PCSK2: variants seen among roughly 807,000 people sequenced by gnomAD.
PCSK2 encodes the protein proprotein convertase subtilisin/kexin type 2, also known as neuroendocrine convertase 2.
A neutral mutation model predicts 69.7 loss-of-function variants in PCSK2; 14 were observed. That is an observed-to-expected ratio of 0.20 (90% confidence interval 0.13 to 0.31). PCSK2 has a LOEUF of 0.31. Ranked by LOEUF, PCSK2 falls within the 10% of genes least tolerant of loss-of-function variation. The probability of loss-of-function intolerance (pLI) is 1.00; values close to 1 mark genes in which losing one functional copy is unlikely to be tolerated. For synonymous variants in PCSK2, 307 were observed against 320.7 expected (o/e 0.96, Z 0.46); for missense variants, 544 against 842.5 (o/e 0.65, Z 4.39).
At chr20:17,235,200 G>A (rs1360743579) in intron 1 of PCSK2, among the ~76,000 whole-genome samples, 3 of 152,022 alleles carry the variant, frequency 2.0e-5, no homozygotes, top group African/African-American at 4.8e-5. Context: ...TGAGATTGTC[G>A]ATAAAAATAA....
intron 2 of PCSK2, among the ~76,000 whole-genome samples, chr20:17,351,056 A>T (rs1008066570): frequency 2.7e-5 from 4 of 149,914 alleles, no homozygotes; most frequent in Non-Finnish European, 4.5e-5. Context: ...AAAAAAAAAA[A>T]TTAATGTAGT....
At chr20:17,471,374 A>G (rs1035471606) in intron 11 of PCSK2, among the ~76,000 whole-genome samples, 1 of 152,232 alleles carries the variant, frequency 6.6e-6, no homozygotes, top group African/African-American at 2.4e-5. Flanking sequence ...AATGAAGAGA[A>G]ATGGGAAAGC....
At chr20:17,340,738 C>A (rs571802105) in intron 2 of PCSK2, among the ~76,000 whole-genome samples, 12 of 152,184 alleles carry the variant, frequency 7.9e-5, no homozygotes, top group Non-Finnish European at 1.8e-4. Flanking sequence ...GAATCTTCAG[C>A]AGAATGTTCC....
chr20:17,255,508 A>AT (rs1316744086), intron 1 of PCSK2, among the ~76,000 whole-genome samples: 4 of 151,906 alleles, frequency 2.6e-5, no homozygotes, highest in African/African-American at 9.7e-5. Flanking sequence ...CGCCCAGCTA[A>AT]TTTTTTGCAT....
chr20:17,313,690 G>A (rs1989587566), intron 2 of PCSK2, among the ~76,000 whole-genome samples: 1 of 152,050 alleles, frequency 6.6e-6, no homozygotes, highest in Admixed American at 6.5e-5. Context: ...GTCACTGCGG[G>A]GTGATTCACC....
chr20:17,321,544 G>A lies in PCSK2; in HGVS notation c.283-36783G>A, dbSNP rs57328638. Reference sequence around the variant, plus strand: ...TTTTGGGGAAAGACAGGCATATAAAGCTCTAACAAAATCAGGTAATGATAA... The same window carrying A: ...TTTTGGGGAAAGACAGGCATATAAAACTCTAACAAAATCAGGTAATGATAA... On this transcript the variant is annotated intron_variant, in intron 2 of 11. Coordinates refer to ENST00000262545, the MANE Select transcript of PCSK2 (RefSeq NM_002594.5). Among the ~76,000 whole-genome samples the A allele has an allele frequency of 4.6e-3, 702 of 152,268 alleles. 4 individuals are homozygous for A. The highest frequency in any genetic ancestry group is 0.016 in the African/African-American group (662 of 41,568).
chr20:17,392,197 G>A (rs575648618), intron 5 of PCSK2, among the ~76,000 whole-genome samples: 6 of 152,214 alleles, frequency 3.9e-5, no homozygotes, highest in East Asian at 1.9e-4. Flanking sequence ...AGGAAACTAC[G>A]CCTGTTCCTG....
At position 17,483,254 on chromosome 20, in the gene PCSK2, G is replaced by A. The variant is rs894712587; in HGVS notation, c.*1184G>A. The A allele has an allele frequency of 6.6e-6, 1 of 152,108 alleles. No individual in the cohort carries two copies. The highest frequency in any genetic ancestry group is 2.4e-5 in the African/African-American group (1 of 41,404). The allele number at this position is 152,108 out of a possible 1,614,324, so 9.4% of individuals were successfully genotyped here. A position where few individuals can be genotyped will look rare whatever the true frequency, so the allele number is the denominator to read the frequency against. On this transcript the variant is annotated 3_prime_UTR_variant, in exon 12 of 12. Transcript: ENST00000262545. The stretch of plus-strand genomic sequence containing the variant: ...TATGGAGCCTCTTCTGCCAAGAGAG[G>A]GCCATGCAATTCATCCCAGAGGAAC...
At chr20:17,366,990 T>C (rs2030613280) in intron 4 of PCSK2, among the ~76,000 whole-genome samples, 2 of 152,092 alleles carry the variant, frequency 1.3e-5, no homozygotes, top group Admixed American at 6.6e-5. Flanking sequence ...TGTTGGAAAA[T>C]ATATTCTCTG....
intron 11 of PCSK2, among the ~76,000 whole-genome samples, chr20:17,476,222 C>T (rs1007133847): frequency 3.3e-5 from 5 of 152,146 alleles, no homozygotes; most frequent in African/African-American, 1.2e-4. Context: ...AAACTGAATG[C>T]CCTTGAAACA....
intron 2 of PCSK2, among the ~76,000 whole-genome samples, chr20:17,307,012 G>T (rs775469795): frequency 6.6e-6 from 1 of 152,178 alleles, no homozygotes; most frequent in Non-Finnish European, 1.5e-5. Context: ...GGAATGATAT[G>T]TTAATGTCTT....
At chr20:17,414,982 A>G (rs1555794097) in intron 6 of PCSK2, among the ~76,000 whole-genome samples, 1 of 152,248 alleles carries the variant, frequency 6.6e-6, no homozygotes, top group Non-Finnish European at 1.5e-5. Flanking sequence ...ACAAAATTCA[A>G]CAGCCCTTCA....
At chr20:17,272,798 C>T (rs949143178) in intron 2 of PCSK2, among the ~76,000 whole-genome samples, 1 of 152,038 alleles carries the variant, frequency 6.6e-6, no homozygotes, top group African/African-American at 2.4e-5. Context: ...AACAGTGTCT[C>T]ACCAGGGAGG....
intron 2 of PCSK2, among the ~76,000 whole-genome samples, chr20:17,318,168 T>C (rs563935441): frequency 6.6e-6 from 1 of 152,208 alleles, no homozygotes; most frequent in East Asian, 1.9e-4. Flanking sequence ...GGAACATAGT[T>C]CTGAATGCCA....
chr20:17,320,951 G>GA (rs1989845544), intron 2 of PCSK2, among the ~76,000 whole-genome samples: 1 of 152,140 alleles, frequency 6.6e-6, no homozygotes, highest in South Asian at 2.1e-4. Context: ...GCAAGCACAT[G>GA]AAAAGCAACA....
rs1006600261 is a variant in PCSK2, at chr20:17,227,533, G to A, written c.177+51G>A. ...GTTGTTTCAAAACGGGGGGACGGGG[G>A]GGCAGCCCTGCGCAATCTCATTGCA... On this transcript the variant is annotated intron_variant, in intron 1 of 11. Coordinates refer to ENST00000262545, the MANE Select transcript of PCSK2 (RefSeq NM_002594.5). 3 of 1,435,526 alleles carry A rather than the reference G, an allele frequency of 2.1e-6. No homozygotes were observed. The African/African-American group carries it at 4.2e-5, about 20-fold the overall frequency. The allele number at this position is 1,435,526 out of a possible 1,614,324, so 88.9% of individuals were successfully genotyped here. A position where few individuals can be genotyped will look rare whatever the true frequency, so the allele number is the denominator to read the frequency against.
intron 5 of PCSK2, among the ~76,000 whole-genome samples, chr20:17,393,245 G>A (rs2031428830): frequency 6.6e-6 from 1 of 152,060 alleles, no homozygotes; most frequent in Non-Finnish European, 1.5e-5. Flanking sequence ...GCTAAGCTAA[G>A]ATACTTCATT....
intron 3 of PCSK2, 76 bp from the exon 4 acceptor site, chr20:17,360,456 T>C (rs1225317322): frequency 1.5e-5 from 12 of 817,134 alleles, no homozygotes; most frequent in Non-Finnish European, 2.0e-5. Flanking sequence ...CTATAGAGTA[T>C]GTCAAGTAAA....
intron 11 of PCSK2, among the ~76,000 whole-genome samples, chr20:17,470,047 C>G (rs189521937): frequency 6.6e-6 from 1 of 152,342 alleles, no homozygotes; most frequent in Non-Finnish European, 1.5e-5. Context: ...AGAGACAAGA[C>G]TGGGAACCAC....
Sources: allele counts gnomAD v4.1 joint callset (sites outside exome capture counted in the v4.1 genomes callset), GRCh38; gene constraint gnomAD v4.1.1; transcripts MANE v1.5; gene names NCBI Gene and HGNC (gene_info 2026-07-23, HGNC 2026-07-21).